PCDH15: variants seen among roughly 807,000 people sequenced by gnomAD.
PCDH15 encodes protocadherin-15.
Under a neutral mutation model 178.5 loss-of-function variants are expected in PCDH15, and 129 were observed. That is an observed-to-expected ratio of 0.72 (90% CI 0.63 to 0.84). PCDH15 has a LOEUF of 0.84. Ranked by LOEUF, PCDH15 falls within the 40% of genes least tolerant of loss-of-function variation. The pLI, the probability that PCDH15 is intolerant of heterozygous loss-of-function variation, is 0.00. For missense variants in PCDH15, 2,230 were observed against 2,099.9 expected, an observed-to-expected ratio of 1.06 and a Z score of -1.21; for synonymous variants, 800 against 732.0, an observed-to-expected ratio of 1.09 and a Z score of -1.50.
chr10:54,500,215 T>C (rs1488347330), intron 3 of PCDH15, among the ~76,000 whole-genome samples: 1 of 152,066 alleles, frequency 6.6e-6, no homozygotes, highest in East Asian at 1.9e-4. Flanking sequence ...AAATACCACA[T>C]GTTTTCACTT....
At chr10:54,350,378 G>A (rs988929123) in intron 5 of PCDH15, among the ~76,000 whole-genome samples, 16 of 152,114 alleles carry the variant, frequency 1.1e-4, no homozygotes, top group Non-Finnish European at 1.6e-4. Context: ...GATCACTCCT[G>A]TGTATTTCTA....
intron 6 of PCDH15, among the ~76,000 whole-genome samples, chr10:54,336,454 T>C (rs1227201041): frequency 6.6e-6 from 1 of 152,098 alleles, no homozygotes; most frequent in Non-Finnish European, 1.5e-5. Context: ...CCCCTTTCCG[T>C]GTGCAGCCTA....
intron 3 of PCDH15, among the ~76,000 whole-genome samples, chr10:54,479,654 G>T (rs1168149008): frequency 6.6e-6 from 1 of 151,714 alleles, no homozygotes; most frequent in Non-Finnish European, 1.5e-5. Flanking sequence ...CCATTTATTT[G>T]CCCTCCCGCT....
intron 26 of PCDH15, 63 bp from the exon 27 acceptor site, chr10:53,866,920 G>A: frequency 8.5e-7 from 1 of 1,183,390 alleles, no homozygotes; most frequent in Non-Finnish European, 1.3e-6. Flanking sequence ...CTTATGAAAT[G>A]GCTTACTTTT....
intron 21 of PCDH15, among the ~76,000 whole-genome samples, chr10:53,994,290 A>G (rs2091709398): frequency 6.6e-6 from 1 of 152,190 alleles, no homozygotes; most frequent in Non-Finnish European, 1.5e-5. Flanking sequence ...TCTCATCATT[A>G]ACGCCATTAA....
chr10:54,037,282 C>G (rs1475995757), intron 18 of PCDH15, among the ~76,000 whole-genome samples: 2 of 151,926 alleles, frequency 1.3e-5, no homozygotes, highest in Non-Finnish European at 2.9e-5. Flanking sequence ...ACAATGCTAT[C>G]AAACAGCATC....
chr10:54,617,944 G>A lies in PCDH15; in HGVS notation c.91+46228C>T, dbSNP rs548272051. ...TTTCAAAAAAAAAAAAAAAGAAGAA[G>A]AGTAAGAGTAAGAATAGGAGAAAGA... On this transcript the variant is annotated intron_variant, in intron 2 of 37. Transcript: ENST00000644397. Among the ~76,000 whole-genome samples, 4 of 150,946 alleles carry A rather than the reference G, an allele frequency of 2.6e-5. No homozygotes were observed. The South Asian group carries it at 8.4e-4, about 32-fold the overall frequency.
At chr10:55,441,468 C>CAATTA (rs10640773) in intron 2 of PCDH15, among the ~76,000 whole-genome samples, 116,051 of 151,708 alleles carry the variant, frequency 0.76, 45,735 homozygotes, top group East Asian at 0.99. Flanking sequence ...GGAAGGAAAC[C>CAATTA]AATTAGTCAC....
intron 9 of PCDH15, among the ~76,000 whole-genome samples, chr10:54,227,449 T>C (rs1047659638): frequency 6.6e-6 from 1 of 152,182 alleles, no homozygotes; most frequent in Admixed American, 6.5e-5. Context: ...GTCCCAAGGC[T>C]GCACAAGCAT....
chr10:53,971,419 T>C (rs926587081), intron 21 of PCDH15, among the ~76,000 whole-genome samples: 2 of 152,122 alleles, frequency 1.3e-5, no homozygotes, highest in African/African-American at 4.8e-5. Context: ...TTCAACATAG[T>C]GTTGGAATTT....
intron 2 of PCDH15, among the ~76,000 whole-genome samples, chr10:54,593,118 G>A (rs1188851579): frequency 1.3e-5 from 2 of 152,034 alleles, no homozygotes; most frequent in Non-Finnish European, 2.9e-5. Flanking sequence ...ATTTTCTGTA[G>A]TTTGTCTTTT....
intron 8 of PCDH15, among the ~76,000 whole-genome samples, chr10:54,283,443 T>C (rs1020878556): frequency 6.6e-6 from 1 of 152,156 alleles, no homozygotes; most frequent in Non-Finnish European, 1.5e-5. Context: ...GTGTGAAAGT[T>C]AGCTGAGTTT....
intron 25 of PCDH15, among the ~76,000 whole-genome samples, chr10:53,923,635 A>T (rs1352850015): frequency 1.3e-5 from 2 of 152,194 alleles, no homozygotes; most frequent in Non-Finnish European, 2.9e-5. Context: ...TTCCACATAC[A>T]AGCCCTTTAT....
chr10:54,775,679 C>T (rs1307990446), intron 1 of PCDH15, among the ~76,000 whole-genome samples: 2 of 152,024 alleles, frequency 1.3e-5, no homozygotes, highest in African/African-American at 2.4e-5. Flanking sequence ...GGGCGGATCA[C>T]GAGGTCAGGA....
At chr10:55,465,156 T>A (rs1435578109) in intron 2 of PCDH15, among the ~76,000 whole-genome samples, 2 of 152,062 alleles carry the variant, frequency 1.3e-5, no homozygotes, top group Non-Finnish European at 2.9e-5. Flanking sequence ...TTTAGGAAAT[T>A]GACTCACAGG....
At position 54,349,060 on chromosome 10, in the gene PCDH15, CA is replaced by C. The variant is rs1305434789; in HGVS notation, c.475-2577del. ...CTAATAAACTTAAAAATTTTGTTGC[CA>C]AAAAATACTATGTCATGGAGGTAGA... On this transcript the variant is annotated intron_variant, in intron 5 of 37. Transcript: ENST00000644397. Among the ~76,000 whole-genome samples, 5 of 151,652 alleles carry C rather than the reference CA, an allele frequency of 3.3e-5. No homozygotes were observed. In the East Asian group the frequency reaches 5.8e-4, roughly 18 times the overall value.
Position 54,450,047 on chromosome 10 carries a change from G to A in PCDH15, c.158-71105C>T, listed in dbSNP as rs560305187. ...TTGCAAATAGCGAGATGTGGTGATA[G>A]CTCAAATAGAGAACCTCTCGGGAAA... On this transcript the variant is annotated intron_variant, in intron 3 of 37. Coordinates refer to ENST00000644397, the MANE Select transcript of PCDH15 (RefSeq NM_001384140.1). Among the ~76,000 whole-genome samples, 409 of 151,256 alleles carry A rather than the reference G, an allele frequency of 2.7e-3. 4 individuals are homozygous for A. Among genetic ancestry groups the A allele is most frequent in the African/African-American group, 9.7e-3 (399 of 41,284 alleles).
At chr10:55,222,768 T>C (rs1040217891) in intron 1 of PCDH15, among the ~76,000 whole-genome samples, 7 of 96,942 alleles carry the variant, frequency 7.2e-5, no homozygotes, top group African/African-American at 2.4e-4. Context: ...TATATATATA[T>C]GTAGTTCCTC....
chr10:55,012,397 C>A (rs180748353), intron 2 of PCDH15, among the ~76,000 whole-genome samples: 1 of 151,934 alleles, frequency 6.6e-6, no homozygotes, highest in Admixed American at 6.6e-5. Flanking sequence ...TCTGTTTTGC[C>A]AGGTTTTATT....
Sources: gnomAD v4.1 joint callset for allele counts (sites outside exome capture counted in the v4.1 genomes callset) on GRCh38, gnomAD v4.1.1 for gene constraint, MANE v1.5 for transcripts, NCBI Gene and HGNC (gene_info 2026-07-23, HGNC 2026-07-21) for gene names.